Variants in CDH13 observed in about 807,000 individuals in gnomAD.
The protein encoded by CDH13 is cadherin 13.
Under a neutral mutation model 63.8 loss-of-function variants are expected in CDH13, and 24 were observed. That is an observed-to-expected ratio of 0.38 (90% CI 0.27 to 0.53). CDH13 has a LOEUF of 0.53. Among genes scored for constraint, CDH13 ranks in the 20% least tolerant of loss-of-function variants. The pLI is 0.85. For synonymous variants in CDH13, 503 were observed against 355.3 expected (o/e 1.42, Z -4.67); for missense variants, 1,049 against 903.1 (o/e 1.16, Z -2.07).
At chr16:83,271,844 T>A (rs1479511955) in intron 5 of CDH13, among the ~76,000 whole-genome samples, 1 of 152,244 alleles carries the variant, frequency 6.6e-6, no homozygotes, top group African/African-American at 2.4e-5. Flanking sequence ...TCTGTGTCAC[T>A]GCACTTGGGA....
chr16:83,116,260 C>T (rs1228746720), intron 3 of CDH13, among the ~76,000 whole-genome samples: 1 of 152,212 alleles, frequency 6.6e-6, no homozygotes, highest in Non-Finnish European at 1.5e-5. Context: ...GGGAAATAGA[C>T]CACGCAACCG....
At chr16:82,844,488 C>G (rs1009031019) in intron 1 of CDH13, 2 of 150,286 alleles carry the variant, frequency 1.3e-5, no homozygotes, top group East Asian at 2.1e-4. Flanking sequence ...GTAGTCCCAG[C>G]TACTCGGGAG....
chr16:83,350,900 C>A (rs1172317919), intron 6 of CDH13, among the ~76,000 whole-genome samples: 2 of 152,170 alleles, frequency 1.3e-5, no homozygotes, highest in Non-Finnish European at 2.9e-5. Context: ...TTAAACACAT[C>A]CAGCCATTCC....
intron 3 of CDH13, among the ~76,000 whole-genome samples, chr16:83,065,692 G>C (rs1464416583): frequency 9.3e-6 from 1 of 107,878 alleles, no homozygotes; most frequent in African/African-American, 4.0e-5. Flanking sequence ...GTGACAGAAC[G>C]AGATTTGTCT....
chr16:83,055,171 G>C (rs919150098), intron 3 of CDH13, among the ~76,000 whole-genome samples: 6 of 151,904 alleles, frequency 3.9e-5, no homozygotes, highest in African/African-American at 1.4e-4. Context: ...CAAAACTTGA[G>C]AATCCAGATA....
chr16:83,367,315 T>C (rs1028681678), intron 6 of CDH13, among the ~76,000 whole-genome samples: 1 of 152,234 alleles, frequency 6.6e-6, no homozygotes, highest in Admixed American at 6.5e-5. Context: ...CATTTCATTT[T>C]ATTGATTATT....
chr16:83,009,333 A>C (rs7203988), intron 2 of CDH13, among the ~76,000 whole-genome samples: 70,340 of 152,048 alleles, frequency 0.46, 16,504 homozygotes, highest in Admixed American at 0.52. Flanking sequence ...TGTCTCTTTC[A>C]TTTGTTTAGA....
chr16:83,085,599 G>A (rs1487663085), intron 3 of CDH13, among the ~76,000 whole-genome samples: 1 of 152,210 alleles, frequency 6.6e-6, no homozygotes, highest in Non-Finnish European at 1.5e-5. Flanking sequence ...TTATGACACA[G>A]CTATGCTTAG....
chr16:83,483,632 G>T (rs908744465), intron 6 of CDH13, among the ~76,000 whole-genome samples: 3 of 152,060 alleles, frequency 2.0e-5, no homozygotes, highest in Non-Finnish European at 4.4e-5. Context: ...CAAGGCCCTG[G>T]GTCAAGTGTA....
intron 10 of CDH13, among the ~76,000 whole-genome samples, chr16:83,730,599 T>C (rs3096277): frequency 0.74 from 111,974 of 151,850 alleles, 41,789 homozygotes; most frequent in Middle Eastern, 0.81. Flanking sequence ...ACAATTGAAC[T>C]GGGTACAAAG....
intron 6 of CDH13, among the ~76,000 whole-genome samples, chr16:83,365,242 A>T (rs1268220346): frequency 6.6e-6 from 1 of 152,180 alleles, no homozygotes; most frequent in Non-Finnish European, 1.5e-5. Context: ...GGAAGGGCCA[A>T]TGTATTGTTT....
intron 7 of CDH13, among the ~76,000 whole-genome samples, chr16:83,490,711 G>A (rs151256515): frequency 1.1e-4 from 17 of 152,290 alleles, no homozygotes; most frequent in African/African-American, 2.6e-4. Flanking sequence ...GTTGAAAGGC[G>A]GGAAGGAAGT....
intron 2 of CDH13, among the ~76,000 whole-genome samples, chr16:82,994,181 A>C (rs559422730): frequency 6.6e-6 from 1 of 152,112 alleles, no homozygotes; most frequent in African/African-American, 2.4e-5. Flanking sequence ...TGAAGACGAC[A>C]GCAGCTGCAC....
intron 7 of CDH13, among the ~76,000 whole-genome samples, chr16:83,505,588 G>A (rs928542043): frequency 6.9e-6 from 1 of 143,986 alleles, no homozygotes; most frequent in African/African-American, 2.7e-5. Flanking sequence ...TTGTTGCCCA[G>A]GCTGGAGTGC....
intron 2 of CDH13, among the ~76,000 whole-genome samples, chr16:82,938,183 C>T (rs2151304906): frequency 6.6e-6 from 1 of 152,270 alleles, no homozygotes; most frequent in East Asian, 1.9e-4. Flanking sequence ...GTTACACAGG[C>T]AATAGCTTTT....
intron 11 of CDH13, among the ~76,000 whole-genome samples, chr16:83,778,034 T>G (rs1915241962): frequency 6.6e-6 from 1 of 152,238 alleles, no homozygotes; most frequent in South Asian, 2.1e-4. Context: ...TGCTTCAAAT[T>G]ATTTTGGGAA....
intron 7 of CDH13, among the ~76,000 whole-genome samples, chr16:83,493,728 T>C (rs1226242648): frequency 6.6e-6 from 1 of 152,236 alleles, no homozygotes; most frequent in Non-Finnish European, 1.5e-5. Flanking sequence ...AGCTATATCC[T>C]ACTGTAAATG....
chr16:83,419,115 C>G (rs1282957203), intron 6 of CDH13, among the ~76,000 whole-genome samples: 8 of 152,110 alleles, frequency 5.3e-5, no homozygotes, highest in African/African-American at 1.9e-4. Flanking sequence ...TAACTGTTGT[C>G]CTCCCTGACA....
At chr16:83,460,521 G>C (rs528546336) in intron 6 of CDH13, among the ~76,000 whole-genome samples, 4 of 152,294 alleles carry the variant, frequency 2.6e-5, no homozygotes, top group African/African-American at 9.6e-5. Flanking sequence ...GTGTACGTCT[G>C]ATGAACTGCA....
Sources: allele counts gnomAD v4.1 joint callset (sites outside exome capture counted in the v4.1 genomes callset), GRCh38; gene constraint gnomAD v4.1.1; transcripts MANE v1.5; gene names NCBI Gene and HGNC (gene_info 2026-07-23, HGNC 2026-07-21).